RGS6: variants seen among roughly 807,000 people sequenced by gnomAD.
The protein encoded by RGS6 is regulator of G-protein signaling 6.
A neutral mutation model predicts 78.5 loss-of-function variants in RGS6; 30 were observed. That is an observed-to-expected ratio of 0.38 (90% confidence interval 0.29 to 0.52). RGS6 has a LOEUF of 0.52. RGS6 is among the 20% of genes least tolerant of loss of function. RGS6 has a pLI of 0.85. For missense variants in RGS6, 495 were observed against 609.7 expected, an observed-to-expected ratio of 0.81 and a Z score of 1.98; for synonymous variants, 206 against 206.0, an observed-to-expected ratio of 1.00 and a Z score of 0.00.
In RGS6 at chr14:72,463,495, C is replaced by G. The variant is rs2153264075; in HGVS notation, c.395-2263C>G. 1.3e-5 allele frequency among the ~76,000 whole-genome samples: 2 copies of G among 152,360 alleles called. 1 individual carries two copies. Among genetic ancestry groups the G allele is most frequent in the South Asian group, 4.1e-4 (2 of 4,828 alleles). On this transcript the variant is annotated intron_variant, in intron 6 of 17. Transcript: ENST00000553525. Reference sequence around the variant, plus strand: ...ATGTGACCCTGTGACTCATGGCCATCAGGAGTGGCCCCAGCTCTGCATTCC... The same window carrying G: ...ATGTGACCCTGTGACTCATGGCCATGAGGAGTGGCCCCAGCTCTGCATTCC...
At chr14:72,037,429 G>A (rs1295940408) in intron 2 of RGS6, among the ~76,000 whole-genome samples, 1 of 152,160 alleles carries the variant, frequency 6.6e-6, no homozygotes, top group Admixed American at 6.5e-5. Context: ...CTCACCAGAA[G>A]GAAGAAACTC....
intron 2 of RGS6, among the ~76,000 whole-genome samples, chr14:72,043,300 A>T (rs1483583005): frequency 6.6e-6 from 1 of 152,090 alleles, no homozygotes; most frequent in Non-Finnish European, 1.5e-5. Flanking sequence ...TTGTGCCTGC[A>T]GTCACACACC....
At chr14:72,271,744 AATAG>A (rs771949677) in intron 2 of RGS6, among the ~76,000 whole-genome samples, 22 of 152,326 alleles carry the variant, frequency 1.4e-4, no homozygotes, top group African/African-American at 3.6e-4. Flanking sequence ...AGAAATCTGA[AATAG>A]ATAGGCTAAA....
chr14:72,182,913 G>T (rs920524092), intron 2 of RGS6, among the ~76,000 whole-genome samples: 2 of 152,048 alleles, frequency 1.3e-5, no homozygotes, highest in African/African-American at 2.4e-5. Context: ...CATACTCTCT[G>T]TTGTTCAGGT....
At chr14:72,473,278 C>A (rs1003835197) in intron 9 of RGS6, among the ~76,000 whole-genome samples, 2 of 152,136 alleles carry the variant, frequency 1.3e-5, no homozygotes, top group African/African-American at 4.8e-5. Flanking sequence ...CCCGTCGCTA[C>A]TAAAAATACA....
chr14:72,472,874 T>C lies in RGS6; in HGVS notation c.539T>C (p.Ile180Thr). ...CCTTCCTCTCTTTACTCTTTCAGGA[T>C]TGACCGGAAAAAAGACAAGACAGAA... ...IFMQAEAQVK[I>T]DRKKDKTERK... Residue 180 changes from isoleucine to threonine, a missense_variant and splice_region_variant, in exon 9 of 18, where the codon ATT becomes ACT. Coordinates refer to ENST00000553525, the MANE Select transcript of RGS6 (RefSeq NM_001204424.2). 1 of 1,609,226 alleles carries C rather than the reference T, an allele frequency of 6.2e-7. No individual in the cohort carries two copies. Among genetic ancestry groups the C allele is most frequent in the Non-Finnish European group, 8.5e-7 (1 of 1,176,328 alleles).
intron 2 of RGS6, among the ~76,000 whole-genome samples, chr14:72,259,521 G>A (rs1042880564): frequency 6.6e-6 from 1 of 152,100 alleles, no homozygotes; most frequent in South Asian, 2.1e-4. Context: ...GAAAATGCTG[G>A]TACTCTGTAC....
At chr14:72,298,899 C>G (rs1193909298) in intron 2 of RGS6, among the ~76,000 whole-genome samples, 1 of 152,194 alleles carries the variant, frequency 6.6e-6, no homozygotes, top group African/African-American at 2.4e-5. Flanking sequence ...CAGGGAACCT[C>G]TCCAGGTTGG....
chr14:72,391,900 C>T (rs1412708649), intron 3 of RGS6, among the ~76,000 whole-genome samples: 1 of 152,222 alleles, frequency 6.6e-6, no homozygotes, highest in East Asian at 1.9e-4. Flanking sequence ...TTTCCAGCTT[C>T]ATCCATGTCC....
the RGS6 span, among the ~76,000 whole-genome samples, chr14:71,874,135 G>C: frequency 2.0e-5 from 3 of 151,994 alleles, no homozygotes; most frequent in South Asian, 6.2e-4. Context: ...GCTCTTTTTT[G>C]GTTCCATATG....
chr14:72,457,068 G>A (rs1226183681), intron 4 of RGS6, among the ~76,000 whole-genome samples: 1 of 117,050 alleles, frequency 8.5e-6, no homozygotes, highest in Non-Finnish European at 1.6e-5. Context: ...TGGGTGACAA[G>A]AGTCAGACCT....
intron 3 of RGS6, among the ~76,000 whole-genome samples, chr14:72,415,129 C>G (rs1157061762): frequency 1.3e-5 from 2 of 152,268 alleles, no homozygotes; most frequent in African/African-American, 4.8e-5. Context: ...CTGTGCCCTG[C>G]CCGCAGAGGT....
At chr14:72,243,087 C>G (rs558084499) in intron 2 of RGS6, among the ~76,000 whole-genome samples, 1 of 152,008 alleles carries the variant, frequency 6.6e-6, no homozygotes, top group South Asian at 2.1e-4. Flanking sequence ...TCTGACCTGA[C>G]GATCCACCCG....
chr14:72,181,287 A>C (rs996492427), intron 2 of RGS6, among the ~76,000 whole-genome samples: 8 of 152,168 alleles, frequency 5.3e-5, no homozygotes, highest in African/African-American at 1.9e-4. Flanking sequence ...TTGCTGGGTG[A>C]TTATTATGCC....
chr14:72,070,136 C>G (rs1478168151), intron 2 of RGS6, among the ~76,000 whole-genome samples: 1 of 151,876 alleles, frequency 6.6e-6, no homozygotes. Flanking sequence ...CTTTATTTCT[C>G]TCTCTCTCTC....
At chr14:72,128,999 TC>T (rs1334345517) in intron 2 of RGS6, among the ~76,000 whole-genome samples, 2 of 152,168 alleles carry the variant, frequency 1.3e-5, no homozygotes, top group Admixed American at 6.5e-5. Flanking sequence ...TCAGCAGTTT[TC>T]TTTTAAAAAA....
chr14:72,412,554 T>G (rs1003942883), intron 3 of RGS6, among the ~76,000 whole-genome samples: 95 of 152,338 alleles, frequency 6.2e-4, no homozygotes, highest in African/African-American at 2.1e-3. Flanking sequence ...GGGTTTTTTG[T>G]GTCTCTATCT....
chr14:72,485,437 G>T (rs557696802), intron 12 of RGS6, among the ~76,000 whole-genome samples: 3 of 152,068 alleles, frequency 2.0e-5, no homozygotes, highest in Non-Finnish European at 4.4e-5. Flanking sequence ...ACTGTGCGTT[G>T]GCCATTGCTG....
intron 3 of RGS6, among the ~76,000 whole-genome samples, chr14:72,435,919 T>G (rs1451595186): frequency 2.0e-5 from 3 of 152,310 alleles, no homozygotes; most frequent in East Asian, 1.9e-4. Context: ...AGGTATCATA[T>G]TCACAGTTCT....
Sources: gnomAD v4.1 joint callset for allele counts (sites outside exome capture counted in the v4.1 genomes callset) on GRCh38, gnomAD v4.1.1 for gene constraint, MANE v1.5 for transcripts, NCBI Gene and HGNC (gene_info 2026-07-23, HGNC 2026-07-21) for gene names.